The following PRR16 variants were observed in gnomAD, a reference collection of about 807,000 sequenced individuals.
PRR16 encodes the protein protein Largen.
A neutral mutation model predicts 18.2 loss-of-function variants in PRR16; 6 were observed. That is an observed-to-expected ratio of 0.33 (90% CI 0.18 to 0.65). The LOEUF (loss-of-function observed/expected upper bound fraction) is 0.65. PRR16 is among the 30% of genes least tolerant of loss of function. The pLI, the probability that PRR16 is intolerant of heterozygous loss-of-function variation, is 0.74. For synonymous variants in PRR16, 151 were observed against 147.8 expected (o/e 1.02, Z -0.16); for missense variants, 412 against 376.6 (o/e 1.09, Z -0.78).
the PRR16 span, among the ~76,000 whole-genome samples, chr5:120,744,440 C>T: frequency 6.6e-6 from 1 of 152,150 alleles, no homozygotes; most frequent in Non-Finnish European, 1.5e-5. Context: ...CTGGGTGTTA[C>T]CTGAAGTCTA....
At chr5:120,571,413 G>C (rs909913935) in intron 1 of PRR16, among the ~76,000 whole-genome samples, 2 of 152,058 alleles carry the variant, frequency 1.3e-5, no homozygotes, top group African/African-American at 2.4e-5. Flanking sequence ...AGTGGAGTGA[G>C]TACAATAAAT....
At chr5:120,775,788 G>A in the PRR16 span, among the ~76,000 whole-genome samples, 2 of 141,458 alleles carry the variant, frequency 1.4e-5, no homozygotes, top group Non-Finnish European at 1.5e-5. Flanking sequence ...CTGCTGCTAC[G>A]CCTGGCTATT....
intron 1 of PRR16, among the ~76,000 whole-genome samples, chr5:120,573,712 A>G (rs1235981944): frequency 6.6e-6 from 1 of 152,162 alleles, no homozygotes; most frequent in Admixed American, 6.6e-5. Flanking sequence ...TTGTGTAATA[A>G]CTGAGCTAAA....
the PRR16 span, among the ~76,000 whole-genome samples, chr5:120,758,024 T>C: frequency 3.1e-5 from 1 of 32,296 alleles, no homozygotes; most frequent in South Asian, 1.4e-3. Flanking sequence ...ACTTTTGTAA[T>C]TTTATTGTCA....
At chr5:120,787,441 T>A in the PRR16 span, among the ~76,000 whole-genome samples, 2 of 152,302 alleles carry the variant, frequency 1.3e-5, no homozygotes, top group South Asian at 4.1e-4. Context: ...ATATCCAATC[T>A]TAGAATCTAA....
At chr5:120,694,777 A>C in the PRR16 span, among the ~76,000 whole-genome samples, 1 of 152,250 alleles carries the variant, frequency 6.6e-6, no homozygotes, top group Non-Finnish European at 1.5e-5. Flanking sequence ...AATTACAATA[A>C]CTTGTAATAG....
At chr5:120,715,364 A>G in the PRR16 span, among the ~76,000 whole-genome samples, 1 of 152,216 alleles carries the variant, frequency 6.6e-6, no homozygotes. Context: ...CTTCACGTTT[A>G]TAGCCCTTAC....
chr5:120,758,857 T>A, the PRR16 span, among the ~76,000 whole-genome samples: 1 of 152,170 alleles, frequency 6.6e-6, no homozygotes, highest in Admixed American at 6.6e-5. Context: ...TGTCTATCAG[T>A]TATATAACTT....
the PRR16 span, among the ~76,000 whole-genome samples, chr5:120,741,132 T>G: frequency 6.6e-6 from 1 of 152,014 alleles, no homozygotes; most frequent in African/African-American, 2.4e-5. Flanking sequence ...ATTAAAAATT[T>G]TTTTATATAT....
chr5:120,750,208 C>T, the PRR16 span, among the ~76,000 whole-genome samples: 2 of 152,064 alleles, frequency 1.3e-5, no homozygotes, highest in African/African-American at 4.8e-5. Flanking sequence ...TATTCAGCCT[C>T]AGTCATTTGA....
At chr5:120,594,571 A>G (rs994167914) in intron 1 of PRR16, among the ~76,000 whole-genome samples, 2 of 152,110 alleles carry the variant, frequency 1.3e-5, no homozygotes, top group African/African-American at 4.8e-5. Flanking sequence ...CTATAAAACT[A>G]CTGAAGAAAT....
At chr5:120,540,446 C>A (rs1580703345) in intron 1 of PRR16, among the ~76,000 whole-genome samples, 1 of 152,200 alleles carries the variant, frequency 6.6e-6, no homozygotes, top group Admixed American at 6.5e-5. Context: ...CCTATGTGCC[C>A]TGGCCGGGCC....
chr5:120,483,002 TGGTAGGTTA>T (rs1194358511), intron 1 of PRR16, among the ~76,000 whole-genome samples: 1 of 152,204 alleles, frequency 6.6e-6, no homozygotes, highest in Non-Finnish European at 1.5e-5. Flanking sequence ...TTATTGGTTA[TGGTAGGTTA>T]GGTAGGTTAG....
chr5:120,615,052 G>GAAAAA (rs3047989), intron 1 of PRR16, among the ~76,000 whole-genome samples: 7 of 151,022 alleles, frequency 4.6e-5, no homozygotes, highest in Non-Finnish European at 5.9e-5. Flanking sequence ...CTGTATAACG[G>GAAAAA]AAAAAAAAAT....
chr5:120,663,149 C>G (rs1207522511), intron 1 of PRR16, among the ~76,000 whole-genome samples: 1 of 152,102 alleles, frequency 6.6e-6, no homozygotes, highest in East Asian at 1.9e-4. Context: ...TTCACTGGTA[C>G]CAGTGTGAGG....
chr5:120,693,514 A>G, the PRR16 span, among the ~76,000 whole-genome samples: 17 of 152,366 alleles, frequency 1.1e-4, no homozygotes, highest in South Asian at 3.5e-3. Context: ...TCAGAATTCA[A>G]CAAGTCTGCA....
the PRR16 span, among the ~76,000 whole-genome samples, chr5:120,703,187 C>T: frequency 6.6e-6 from 1 of 152,038 alleles, no homozygotes; most frequent in African/African-American, 2.4e-5. Flanking sequence ...GTGGGGGTGC[C>T]TTTTGAGCCA....
chr5:120,773,915 G>T, the PRR16 span, among the ~76,000 whole-genome samples: 12 of 152,210 alleles, frequency 7.9e-5, no homozygotes, highest in African/African-American at 2.6e-4. Context: ...ATATTAATAA[G>T]CATCTCTATG....
chr5:120,617,019 C>G, intron 1 of PRR16: 1 of 651,354 alleles, frequency 1.5e-6, no homozygotes, highest in Non-Finnish European at 1.9e-6. Context: ...CCTCCTGCAC[C>G]ATGTCCAGTC....
Sources: gnomAD v4.1 joint callset for allele counts (sites outside exome capture counted in the v4.1 genomes callset) on GRCh38, gnomAD v4.1.1 for gene constraint, MANE v1.5 for transcripts, NCBI Gene and HGNC (gene_info 2026-07-23, HGNC 2026-07-21) for gene names.